The following GPC5 variants were observed in gnomAD, a reference collection of about 807,000 sequenced individuals.
GPC5 encodes glypican 5, also known as glypican-5.
In GPC5, 47 loss-of-function variants were observed where a neutral mutation model predicts 53.9. That is an observed-to-expected ratio of 0.87 (90% CI 0.69 to 1.11). The LOEUF is 1.11. Among genes scored for constraint, GPC5 ranks in the 50% most tolerant of loss-of-function variants. The pLI, the probability that GPC5 is intolerant of heterozygous loss-of-function variation, is 0.00. For synonymous variants in GPC5, 286 were observed against 263.3 expected, an observed-to-expected ratio of 1.09 and a Z score of -0.84; for missense variants, 748 against 713.1, an observed-to-expected ratio of 1.05 and a Z score of -0.56.
chr13:91,635,961 T>C (rs7317200), intron 2 of GPC5, among the ~76,000 whole-genome samples: 3,786 of 152,246 alleles, frequency 0.025, 145 homozygotes, highest in African/African-American at 0.085. Flanking sequence ...TCAGTAGTTT[T>C]ATAGTTTTTT....
chr13:91,965,175 A>G (rs2040169250), intron 6 of GPC5, among the ~76,000 whole-genome samples: 1 of 152,120 alleles, frequency 6.6e-6, no homozygotes, highest in Admixed American at 6.5e-5. Context: ...TGGCAAATGT[A>G]TACATGTGTA....
intron 6 of GPC5, among the ~76,000 whole-genome samples, chr13:91,956,231 C>T (rs539390479): frequency 2.5e-4 from 38 of 152,068 alleles, no homozygotes; most frequent in Non-Finnish European, 4.4e-5. Flanking sequence ...TTGTGCACAA[C>T]TATTGGCTCC....
At chr13:91,830,909 T>C (rs957260861) in intron 5 of GPC5, among the ~76,000 whole-genome samples, 1 of 135,730 alleles carries the variant, frequency 7.4e-6, no homozygotes, top group African/African-American at 2.7e-5. Flanking sequence ...TCCTATTATA[T>C]ATAATATATA....
chr13:92,256,509 G>C (rs2042727282), intron 7 of GPC5, among the ~76,000 whole-genome samples: 1 of 151,940 alleles, frequency 6.6e-6, no homozygotes, highest in Non-Finnish European at 1.5e-5. Flanking sequence ...CGGATGAAAT[G>C]AGTTCTATCA....
At chr13:91,901,058 G>T in intron 5 of GPC5, among the ~76,000 whole-genome samples, 1 of 151,788 alleles carries the variant, frequency 6.6e-6, no homozygotes, top group Admixed American at 6.6e-5. Context: ...AAAATTTTCA[G>T]GTTGGTTGCT....
chr13:91,986,737 T>C (rs2040411673), intron 6 of GPC5, among the ~76,000 whole-genome samples: 1 of 152,376 alleles, frequency 6.6e-6, no homozygotes, highest in South Asian at 2.1e-4. Context: ...ATATTCTTTA[T>C]ATGTTCTCAA....
At chr13:92,398,992 C>A (rs1875429913) in intron 7 of GPC5, among the ~76,000 whole-genome samples, 1 of 152,166 alleles carries the variant, frequency 6.6e-6, no homozygotes. Context: ...TTCTTTACTT[C>A]CTTCCCCAGC....
chr13:91,986,727 A>G (rs1204084822), intron 6 of GPC5, among the ~76,000 whole-genome samples: 2 of 152,216 alleles, frequency 1.3e-5, no homozygotes, highest in Non-Finnish European at 2.9e-5. Context: ...TCTTAAATAT[A>G]TATTCTTTAT....
chr13:92,564,863 G>T (rs1297630407), intron 7 of GPC5, among the ~76,000 whole-genome samples: 1 of 152,060 alleles, frequency 6.6e-6, no homozygotes, highest in African/African-American at 2.4e-5. Context: ...TTCAGATCGA[G>T]TTGGTTTAAA....
intron 5 of GPC5, among the ~76,000 whole-genome samples, chr13:91,757,878 A>G (rs985852740): frequency 5.9e-5 from 9 of 152,300 alleles, no homozygotes; most frequent in Non-Finnish European, 5.9e-5. Flanking sequence ...TAACTTTGCT[A>G]TGATAAACAT....
intron 7 of GPC5, among the ~76,000 whole-genome samples, chr13:92,190,504 A>G (rs1459504457): frequency 6.6e-6 from 1 of 152,176 alleles, no homozygotes; most frequent in African/African-American, 2.4e-5. Context: ...TGGATTCCAT[A>G]TACTTATGCA....
chr13:91,458,494 A>G (rs1015428284), intron 2 of GPC5, among the ~76,000 whole-genome samples: 2 of 152,172 alleles, frequency 1.3e-5, no homozygotes, highest in East Asian at 3.9e-4. Context: ...ATGAACAAAC[A>G]TGAAAACATG....
rs1876746431 is a variant in GPC5 at position 92,797,842 on chromosome 13, TAGATAG to T, written c.1562-68438_1562-68433del. ...GATGATAGATAGATAGATAGATAGA[TAGATAG>T]ATAGATAGATAGATAGATAGATGAT... On this transcript the variant is annotated intron_variant, in intron 7 of 7. Transcript: ENST00000377067. Among the ~76,000 whole-genome samples the T allele has an allele frequency of 1.4e-4, 21 of 151,154 alleles. No individual in the cohort carries two copies. The Admixed American group carries it at 1.4e-3, about 10-fold the overall frequency.
At position 91,883,887 on chromosome 13, in the gene GPC5, C is replaced by A. The variant is rs141162271; in HGVS notation, c.1281-24050C>A. ...GTTGTACGGATTATTCCATTACCCACATAGTAAACCTGTTACCCACTAGTT... is the reference window on the plus strand; with the variant it reads ...GTTGTACGGATTATTCCATTACCCAAATAGTAAACCTGTTACCCACTAGTT... On this transcript the variant is annotated intron_variant, in intron 5 of 7. Coordinates refer to ENST00000377067, the MANE Select transcript of GPC5 (RefSeq NM_004466.6). Among the ~76,000 whole-genome samples, 11 of 152,176 alleles carry A rather than the reference C, an allele frequency of 7.2e-5. No homozygotes were observed. The East Asian group carries it at 7.7e-4, about 11-fold the overall frequency.
At chr13:92,669,161 A>G (rs545802715) in intron 7 of GPC5, among the ~76,000 whole-genome samples, 94 of 152,124 alleles carry the variant, frequency 6.2e-4, no homozygotes, top group Admixed American at 3.5e-3. Context: ...ATAATTTTGT[A>G]TATATGCAGG....
chr13:91,474,213 TCTTGGC>T (rs1342994048), intron 2 of GPC5, among the ~76,000 whole-genome samples: 7 of 152,204 alleles, frequency 4.6e-5, no homozygotes, highest in Non-Finnish European at 1.0e-4. Flanking sequence ...TCTATTTTAT[TCTTGGC>T]AAGAGTGCTT....
At chr13:92,442,963 G>A (rs1877636645) in intron 7 of GPC5, among the ~76,000 whole-genome samples, 1 of 152,166 alleles carries the variant, frequency 6.6e-6, no homozygotes, top group African/African-American at 2.4e-5. Context: ...AACTGTGTTA[G>A]ACTGTTTTGC....
At chr13:92,033,036 CGTGTGTGTGTGTGTGTGT>C (rs60958496) in intron 6 of GPC5, among the ~76,000 whole-genome samples, 1 of 138,992 alleles carries the variant, frequency 7.2e-6, no homozygotes, top group Non-Finnish European at 1.5e-5. Context: ...TAGTTATTGT[CGTGTGTGTGTGTGTGTGT>C]GTGTGTGTGT....
At chr13:91,801,770 T>G (rs1459482177) in intron 5 of GPC5, among the ~76,000 whole-genome samples, 6 of 152,192 alleles carry the variant, frequency 3.9e-5, no homozygotes, top group African/African-American at 1.2e-4. Flanking sequence ...GCTAAGTTGA[T>G]GTGGGCAAAG....
Sources: allele counts gnomAD v4.1 joint callset (sites outside exome capture counted in the v4.1 genomes callset), GRCh38; gene constraint gnomAD v4.1.1; transcripts MANE v1.5; gene names NCBI Gene and HGNC (gene_info 2026-07-23, HGNC 2026-07-21).